Variants in ITSN1 observed in about 807,000 individuals in gnomAD.
The protein encoded by ITSN1 is intersectin 1.
Under a neutral mutation model 239.8 loss-of-function variants are expected in ITSN1, and 58 were observed. The observed-to-expected ratio is 0.24, with a 90% CI of 0.20 to 0.30. ITSN1 has a LOEUF of 0.30. Among genes scored for constraint, ITSN1 ranks in the 10% least tolerant of loss-of-function variants. The pLI is 1.00. For missense variants in ITSN1, 1,558 were observed against 2,103.3 expected (o/e 0.74, Z 5.07); for synonymous variants, 780 against 770.8 (o/e 1.01, Z -0.20).
intron 1 of ITSN1, among the ~76,000 whole-genome samples, chr21:33,667,303 T>A (rs1296264610): frequency 6.6e-6 from 1 of 152,106 alleles, no homozygotes; most frequent in Non-Finnish European, 1.5e-5. Flanking sequence ...CTCTTTGTGA[T>A]CCTCAATAAT....
At chr21:33,817,611 A>T (rs556471061) in intron 22 of ITSN1, 19 of 1,285,608 alleles carry the variant, frequency 1.5e-5, no homozygotes. Context: ...GCCCATCTTT[A>T]TAGTGCTTTG....
intron 1 of ITSN1, among the ~76,000 whole-genome samples, chr21:33,676,623 C>T (rs1191024231): frequency 6.6e-6 from 1 of 152,092 alleles, no homozygotes; most frequent in Non-Finnish European, 1.5e-5. Context: ...TTAGTGTGGC[C>T]AAATGTAATT....
rs764356694 is a variant in ITSN1, at chr21:33,865,270, T to A, written c.4010T>A (p.Leu1337His). The change falls in exon 32 of 40, where the codon CTC becomes CAC. Residue 1337 changes from leucine (L) to histidine (H), a missense_variant. Coordinates refer to ENST00000381318, the MANE Select transcript of ITSN1 (RefSeq NM_003024.3). The surrounding 1 kb of genome is among the most constrained non-coding windows in gnomAD (Gnocchi z 4.4). ...TACATCCGCTTCTGCAGCCGCCAGC[T>A]CAACGGGGCTGCCCTGATCCAGCAG... ...QPYIRFCSRQ[L>H]NGAALIQQKT... 2 of 1,606,170 alleles carry A rather than the reference T, an allele frequency of 1.2e-6. No individual in the cohort carries two copies. Among genetic ancestry groups the A allele is most frequent in the Non-Finnish European group, 1.7e-6 (2 of 1,176,712 alleles).
chr21:33,832,451 CTTAAGTGAGTGT>C (rs1332672324), intron 27 of ITSN1, among the ~76,000 whole-genome samples: 1 of 152,238 alleles, frequency 6.6e-6, no homozygotes, highest in Non-Finnish European at 1.5e-5. Flanking sequence ...TAGCACTGTG[CTTAAGTGAGTGT>C]TTGAGTGGTT....
At chr21:33,649,477 T>C (rs1238647349) in intron 1 of ITSN1, among the ~76,000 whole-genome samples, 1 of 152,234 alleles carries the variant, frequency 6.6e-6, no homozygotes, top group African/African-American at 2.4e-5. Flanking sequence ...GATAGGTAGC[T>C]TGCTTTATTA....
intron 22 of ITSN1, chr21:33,817,300 G>C (rs767272881): frequency 1.4e-5 from 18 of 1,304,274 alleles, no homozygotes; most frequent in Non-Finnish European, 1.8e-5. Flanking sequence ...TCTCTTCCCG[G>C]ACCCCCTGCA....
intron 1 of ITSN1, among the ~76,000 whole-genome samples, chr21:33,706,840 A>G (rs2146901852): frequency 1.3e-5 from 2 of 152,216 alleles, no homozygotes; most frequent in East Asian, 3.9e-4. Context: ...CTCCTGCCTC[A>G]GCCTCCCGAG....
intron 21 of ITSN1, among the ~76,000 whole-genome samples, chr21:33,811,442 T>G (rs1256943613): frequency 2.6e-5 from 4 of 152,234 alleles, no homozygotes; most frequent in Non-Finnish European, 5.9e-5. Flanking sequence ...TGGTACAAAA[T>G]GAAGCCTGTT....
At chr21:33,844,922 C>T (rs1028588938) in intron 29 of ITSN1, among the ~76,000 whole-genome samples, 12 of 152,046 alleles carry the variant, frequency 7.9e-5, no homozygotes, top group African/African-American at 2.9e-4. Context: ...GTCCGCCTCC[C>T]CTTCCATCCT....
chr21:33,853,659 A>G lies in ITSN1; in HGVS notation c.3662-3077A>G, dbSNP rs374792243. 1.2e-3 allele frequency among the ~76,000 whole-genome samples: 176 copies of G among 152,262 alleles called. 2 individuals are homozygous for G. Among genetic ancestry groups the G allele is most frequent in the Admixed American group, 8.3e-3 (127 of 15,306 alleles). On this transcript the variant is annotated intron_variant, in intron 29 of 39. Coordinates refer to ENST00000381318, the MANE Select transcript of ITSN1 (RefSeq NM_003024.3). ...AGACTGGAACTCTGGTCGGGTTGTC[A>G]GTTTCAAGTAACACTAGTGTTTCTC...
intron 20 of ITSN1, among the ~76,000 whole-genome samples, chr21:33,806,681 G>A (rs950979112): frequency 3.9e-5 from 6 of 152,178 alleles, no homozygotes; most frequent in African/African-American, 1.2e-4. Flanking sequence ...TTTGTACTTC[G>A]CTTAAATGAT....
chr21:33,829,658 C>G lies in ITSN1; in HGVS notation c.3264C>G (p.Thr1088=). 6.2e-7 allele frequency: 1 copy of G among 1,612,518 alleles called. No individual in the cohort carries two copies. Among genetic ancestry groups the G allele is most frequent in the South Asian group, 1.1e-5 (1 of 91,000 alleles). The part of the protein sequence containing the change: ...IAQVIASYTA[T]GPEQLTLAPG... ...AGGTTATTGCCTCATACACCGCCAC[C>G]GGCCCCGAGCAGCTCACTCTCGCCC... The change falls in exon 27 of 40, where the codon ACC becomes ACG. Residue 1088 remains threonine (T), a synonymous_variant. Coordinates refer to ENST00000381318, the MANE Select transcript of ITSN1 (RefSeq NM_003024.3).
chr21:33,854,436 TCAA>T (rs1205958054), intron 29 of ITSN1, among the ~76,000 whole-genome samples: 2 of 152,224 alleles, frequency 1.3e-5, no homozygotes, highest in Non-Finnish European at 2.9e-5. Flanking sequence ...ATTCAGCCCT[TCAA>T]CAAGAAATGG....
intron 1 of ITSN1, among the ~76,000 whole-genome samples, chr21:33,710,535 A>G (rs2092385528): frequency 6.6e-6 from 1 of 152,008 alleles, no homozygotes; most frequent in Admixed American, 6.6e-5. Flanking sequence ...ATTTGGTTAT[A>G]TTTTAGTATC....
intron 4 of ITSN1, among the ~76,000 whole-genome samples, chr21:33,733,471 TAAAAG>T (rs1226209497): frequency 6.6e-6 from 1 of 152,130 alleles, no homozygotes; most frequent in African/African-American, 2.4e-5. Flanking sequence ...AATCATATGA[TAAAAG>T]AAATATTTTA....
chr21:33,687,580 C>A (rs374010067), intron 1 of ITSN1, among the ~76,000 whole-genome samples: 4 of 152,114 alleles, frequency 2.6e-5, no homozygotes, highest in East Asian at 3.9e-4. Context: ...CTCTTTCTCT[C>A]AGGTGATCTA....
intron 22 of ITSN1, among the ~76,000 whole-genome samples, chr21:33,815,887 CAAA>C (rs1373003273): frequency 1.3e-5 from 2 of 151,368 alleles, no homozygotes; most frequent in African/African-American, 2.4e-5. Flanking sequence ...AGGGATCCGA[CAAA>C]GAAGAATGAA....
rs528594254 is a variant in ITSN1, at chr21:33,879,306, G to A, written c.4342-2937G>A. ...TTTGAGGCTGCAGTGAGCCATGATC[G>A]CACCACTATACTCCAACGTGGGCAA... is the stretch of plus-strand genomic sequence containing the variant. On this transcript the variant is annotated intron_variant, in intron 34 of 39. Coordinates refer to ENST00000381318, the MANE Select transcript of ITSN1 (RefSeq NM_003024.3). 5.3e-5 allele frequency among the ~76,000 whole-genome samples: 8 copies of A among 152,194 alleles called. No individual in the cohort carries two copies. The East Asian group carries it at 5.8e-4, about 11-fold the overall frequency.
rs538589307 is a variant in ITSN1, at chr21:33,661,387, A to G, written c.-33+18674A>G. On this transcript the variant is annotated intron_variant, in intron 1 of 39. Coordinates refer to ENST00000381318, the MANE Select transcript of ITSN1 (RefSeq NM_003024.3). ...GTGTACTCAAGGGCTGAGATTTAATAAAGTAATAATTTTTCATGATTCATC... is the reference window on the plus strand; with the variant it reads ...GTGTACTCAAGGGCTGAGATTTAATGAAGTAATAATTTTTCATGATTCATC... Among the ~76,000 whole-genome samples, 29 of 152,292 alleles carry G rather than the reference A, an allele frequency of 1.9e-4. No individual in the cohort carries two copies. In the South Asian group the frequency reaches 6.0e-3, roughly 32 times the overall value.
Sources: gnomAD v4.1 joint callset for allele counts (sites outside exome capture counted in the v4.1 genomes callset) on GRCh38, gnomAD v4.1.1 for gene constraint, Gnocchi (gnomAD v3.1) non-coding constraint, MANE v1.5 for transcripts, NCBI Gene and HGNC (gene_info 2026-07-23, HGNC 2026-07-21) for gene names.